Variants in PSD3 observed in about 807,000 individuals in gnomAD.
PSD3 encodes the protein PH and SEC7 domain-containing protein 3.
In PSD3, 49 loss-of-function variants were observed where a neutral mutation model predicts 105.5. The observed-to-expected ratio is 0.46, with a 90% CI of 0.37 to 0.59. The LOEUF is 0.59. PSD3 is among the 20% of genes least tolerant of loss of function. The pLI, the probability that PSD3 is intolerant of heterozygous loss-of-function variation, is 0.00. For missense variants in PSD3, 1,561 were observed against 1,263.8 expected, an observed-to-expected ratio of 1.24 and a Z score of -3.57; for synonymous variants, 557 against 457.8, an observed-to-expected ratio of 1.22 and a Z score of -2.77.
At chr8:18,589,689 C>T (rs1160712364) in intron 12 of PSD3, among the ~76,000 whole-genome samples, 1 of 152,126 alleles carries the variant, frequency 6.6e-6, no homozygotes, top group Admixed American at 6.5e-5. Flanking sequence ...GTGGCAGGCA[C>T]CAGATCCAGC....
intron 14 of PSD3, among the ~76,000 whole-genome samples, chr8:18,567,483 T>A (rs1451663775): frequency 3.9e-5 from 6 of 152,176 alleles, no homozygotes; most frequent in African/African-American, 1.4e-4. Context: ...GTAAGAGCAT[T>A]CCTTTTCTTT....
chr8:18,996,310 CAT>C (rs1233872058), intron 1 of PSD3, among the ~76,000 whole-genome samples: 1 of 151,862 alleles, frequency 6.6e-6, no homozygotes, highest in Non-Finnish European at 1.5e-5. Context: ...TTACTGAAAA[CAT>C]GTGGACAGAG....
intron 4 of PSD3, among the ~76,000 whole-genome samples, chr8:18,865,506 G>C (rs1219047802): frequency 6.6e-6 from 1 of 151,544 alleles, no homozygotes; most frequent in Non-Finnish European, 1.5e-5. Context: ...ACCTTGAATA[G>C]AGACATACAT....
chr8:18,556,470 T>C, intron 14 of PSD3, 118 bp from the exon 15 acceptor site: 16 of 997,910 alleles, frequency 1.6e-5, no homozygotes, highest in Non-Finnish European at 2.2e-5. Context: ...AACAGCCCAA[T>C]GTGCCTCTGC....
intron 7 of PSD3, among the ~76,000 whole-genome samples, 198 bp from the exon 8 acceptor site, chr8:18,799,551 T>C (rs1283056853): frequency 6.6e-6 from 1 of 152,216 alleles, no homozygotes; most frequent in East Asian, 1.9e-4. Flanking sequence ...GACTCCACTG[T>C]TGATAAGTTG....
chr8:18,882,288 T>C (rs1011755932), intron 2 of PSD3, among the ~76,000 whole-genome samples: 1 of 152,192 alleles, frequency 6.6e-6, no homozygotes, highest in African/African-American at 2.4e-5. Flanking sequence ...CAAAACACTA[T>C]ATGTTAGTGT....
At chr8:18,653,401 T>C (rs1808663045) in intron 10 of PSD3, among the ~76,000 whole-genome samples, 1 of 151,734 alleles carries the variant, frequency 6.6e-6, no homozygotes, top group Non-Finnish European at 1.5e-5. Flanking sequence ...CTTTGAAAGC[T>C]ACAGCATCAG....
intron 1 of PSD3, among the ~76,000 whole-genome samples, chr8:19,076,502 A>C (rs1563547763): frequency 6.6e-6 from 1 of 152,150 alleles, no homozygotes; most frequent in Admixed American, 6.5e-5. Flanking sequence ...ATTAAATATA[A>C]GGGCAAATAG....
chr8:18,654,654 T>G (rs551969316), intron 10 of PSD3, among the ~76,000 whole-genome samples: 1 of 152,214 alleles, frequency 6.6e-6, no homozygotes, highest in Non-Finnish European at 1.5e-5. Flanking sequence ...CCTGAAACAC[T>G]ATATGTCACT....
chr8:18,707,659 C>T (rs1215169128), intron 9 of PSD3, among the ~76,000 whole-genome samples: 7 of 152,146 alleles, frequency 4.6e-5, no homozygotes, highest in Admixed American at 2.0e-4. Flanking sequence ...AGAAGTGGTA[C>T]GGCTGGGATT....
At chr8:19,058,739 C>T (rs1347251905) in intron 1 of PSD3, among the ~76,000 whole-genome samples, 2 of 152,130 alleles carry the variant, frequency 1.3e-5, no homozygotes, top group Non-Finnish European at 2.9e-5. Flanking sequence ...ACAGTGCCAG[C>T]TCCTTATCTA....
intron 2 of PSD3, among the ~76,000 whole-genome samples, chr8:18,892,626 CTT>C (rs111896561): frequency 4.2e-4 from 56 of 132,980 alleles, no homozygotes; most frequent in East Asian, 4.5e-4. Flanking sequence ...TCCTAATTTT[CTT>C]TTTTTTTTTT....
At chr8:18,725,363 A>G (rs1803275871) in intron 9 of PSD3, among the ~76,000 whole-genome samples, 2 of 152,240 alleles carry the variant, frequency 1.3e-5, no homozygotes, top group South Asian at 4.1e-4. Flanking sequence ...ATCTTCAAAG[A>G]ACTGAATATT....
chr8:19,019,301 T>C (rs1827284627), intron 1 of PSD3, among the ~76,000 whole-genome samples: 1 of 152,190 alleles, frequency 6.6e-6, no homozygotes, highest in Admixed American at 6.5e-5. Flanking sequence ...ATGTGAGTCA[T>C]TGCACGTCAA....
chr8:18,788,211 C>G (rs1809368859), intron 8 of PSD3, among the ~76,000 whole-genome samples: 1 of 152,186 alleles, frequency 6.6e-6, no homozygotes, highest in South Asian at 2.1e-4. Context: ...ATTCTATTCT[C>G]CAAATGCAGG....
intron 4 of PSD3, among the ~76,000 whole-genome samples, chr8:18,853,418 C>T (rs747374380): frequency 6.6e-6 from 1 of 152,054 alleles, no homozygotes; most frequent in Non-Finnish European, 1.5e-5. Context: ...ATAATATCAA[C>T]GGACTAGGCT....
chr8:18,674,187 C>T (rs1224678658), intron 9 of PSD3, among the ~76,000 whole-genome samples: 1 of 151,916 alleles, frequency 6.6e-6, no homozygotes, highest in East Asian at 1.9e-4. Flanking sequence ...ATGCGGCTAT[C>T]AAAGCAGGGG....
At chr8:18,762,386 G>A (rs946791322) in intron 9 of PSD3, among the ~76,000 whole-genome samples, 5 of 152,162 alleles carry the variant, frequency 3.3e-5, no homozygotes, top group African/African-American at 1.2e-4. Context: ...CAGGCTTTCT[G>A]TACAGCCCGC....
chr8:18,668,235 C>T (rs1054561520), intron 9 of PSD3, among the ~76,000 whole-genome samples: 1 of 152,236 alleles, frequency 6.6e-6, no homozygotes, highest in African/African-American at 2.4e-5. Flanking sequence ...TGCCAGCACG[C>T]TGTCACCTCT....
Sources: allele counts gnomAD v4.1 joint callset (sites outside exome capture counted in the v4.1 genomes callset), GRCh38; gene constraint gnomAD v4.1.1; transcripts MANE v1.5; gene names NCBI Gene and HGNC (gene_info 2026-07-23, HGNC 2026-07-21).